NDEL1: variants seen among roughly 807,000 people sequenced by gnomAD.
NDEL1 encodes nudE neurodevelopment protein 1 like 1.
NDEL1 carries 9 observed loss-of-function variants against 45.7 expected under a neutral mutation model. That is an observed-to-expected ratio of 0.20 (90% CI 0.12 to 0.34). NDEL1 has a LOEUF of 0.34. Among genes scored for constraint, NDEL1 ranks in the 10% least tolerant of loss-of-function variants. The pLI is 1.00. For synonymous variants in NDEL1, 133 were observed against 158.6 expected, an observed-to-expected ratio of 0.84 and a Z score of 1.21; for missense variants, 306 against 406.2, an observed-to-expected ratio of 0.75 and a Z score of 2.12.
intron 8 of NDEL1, chr17:8,463,297 T>TTA (rs748025381): frequency 6.3e-7 from 1 of 1,598,766 alleles, no homozygotes; most frequent in Non-Finnish European, 8.6e-7. Flanking sequence ...TACTGTTTAA[T>TTA]ATGTTCTCCT....
chr17:8,461,166 C>A (rs1482976458), intron 8 of NDEL1: 1 of 152,128 alleles, frequency 6.6e-6, no homozygotes, highest in African/African-American at 2.4e-5. Flanking sequence ...GAAACGCTCA[C>A]AATCTCTGAA....
At chr17:8,439,270 C>T (rs1909576296) in intron 1 of NDEL1, among the ~76,000 whole-genome samples, 1 of 146,434 alleles carries the variant, frequency 6.8e-6, no homozygotes, top group Non-Finnish European at 1.5e-5. Flanking sequence ...GAGATGGAAT[C>T]TCACCCTTTT....
intron 1 of NDEL1, among the ~76,000 whole-genome samples, chr17:8,427,402 CAA>C (rs1165484566): frequency 1.3e-5 from 2 of 152,058 alleles, no homozygotes; most frequent in African/African-American, 4.8e-5. Context: ...GGTTACCATT[CAA>C]AGTCTTGGAA....
At chr17:8,414,678 G>A (rs998238445) in intron 1 of NDEL1, among the ~76,000 whole-genome samples, 15 of 151,726 alleles carry the variant, frequency 9.9e-5, no homozygotes, top group African/African-American at 3.4e-4. Flanking sequence ...AAAAAAAAAA[G>A]TGTCATACCA....
At chr17:8,470,356 G>GGTGGGGCTGATCTCCCGGC (rs1911806105), downstream of NDEL1, among the ~76,000 whole-genome samples, 4 of 152,082 alleles carry the variant, frequency 2.6e-5, no homozygotes, top group African/African-American at 4.8e-5. The surrounding 1 kb of genome is among the most constrained non-coding windows in gnomAD (Gnocchi z 4.2). Context: ...GATCTCCCGG[G>GGTGGGGCTGATCTCCCGGC]TGGTGGACAG....
chr17:8,472,138 C>T (rs143545614), downstream of NDEL1, among the ~76,000 whole-genome samples: 1 of 152,254 alleles, frequency 6.6e-6, no homozygotes, highest in East Asian at 1.9e-4. Flanking sequence ...TTGATGTGGA[C>T]ATGTCTGTCC....
At chr17:8,430,883 T>G (rs1908983286), upstream of NDEL1, among the ~76,000 whole-genome samples, 1 of 152,192 alleles carries the variant, frequency 6.6e-6, no homozygotes, top group African/African-American at 2.4e-5. Flanking sequence ...TTAATTGCCA[T>G]GCCCAGCCCC....
chr17:8,454,766 T>A lies in NDEL1; in HGVS notation c.701-30T>A, dbSNP rs780073671. The A allele has an allele frequency of 6.4e-6, 10 of 1,553,922 alleles. No homozygotes were observed. In the Admixed American group the frequency reaches 1.8e-4, roughly 27 times the overall value. On this transcript the variant is annotated intron_variant, in intron 6 of 8. Transcript: ENST00000334527. ...ACCCAAATGTAAAGGGAACTGCAAG[T>A]GTAATCACTCAGCTTTTATTTTTCT... is the stretch of plus-strand genomic sequence containing the variant.
chr17:8,472,148 C>T (rs1446735459), downstream of NDEL1, among the ~76,000 whole-genome samples: 1 of 152,134 alleles, frequency 6.6e-6, no homozygotes, highest in Non-Finnish European at 1.5e-5. Context: ...CATGTCTGTC[C>T]CTCAGCAGCA....
At chr17:8,452,782 C>G (rs1176216431) in intron 6 of NDEL1, among the ~76,000 whole-genome samples, 2 of 114,698 alleles carry the variant, frequency 1.7e-5, no homozygotes, top group African/African-American at 6.6e-5. Context: ...TTTTTTTGCC[C>G]AGGCTAGAGT....
rs577593879 is a variant in NDEL1 at position 8,454,982 on chromosome 17, C to G, written c.792+95C>G. 26 of 1,209,682 alleles carry G rather than the reference C, an allele frequency of 2.1e-5. No homozygotes were observed. The South Asian group carries it at 3.3e-4, about 15-fold the overall frequency. 74.9% of individuals were successfully genotyped at this position (1,209,682 alleles called of 1,614,324 possible). ...GAGGGAAGAAAGAAAGGATACTTTC[C>G]TGTGGTAAAGGCTGTCATGAAGCTC... On this transcript the variant is annotated intron_variant, in intron 7 of 8. Coordinates refer to ENST00000334527, the MANE Select transcript of NDEL1 (RefSeq NM_030808.5).
chr17:8,444,603 T>TA, intron 2 of NDEL1: 1 of 396,622 alleles, frequency 2.5e-6, no homozygotes. Flanking sequence ...TTCTGATTGT[T>TA]ACCTGTTCTA....
intron 1 of NDEL1, chr17:8,436,434 C>T (rs968798151): frequency 6.5e-6 from 1 of 153,736 alleles, no homozygotes; most frequent in South Asian, 1.9e-4. Flanking sequence ...CCTCCTACCC[C>T]CTCTTCGAAA....
upstream of NDEL1, chr17:8,432,315 A>ATT (rs1437222149): frequency 1.5e-3 from 188 of 125,154 alleles, 2 homozygotes; most frequent in African/African-American, 3.9e-3. Context: ...ATATATATAT[A>ATT]TATTTATATA....
At chr17:8,473,636 C>T (rs35261231) in intron 3 of NDEL1, among the ~76,000 whole-genome samples, 61,109 of 152,036 alleles carry the variant, frequency 0.4, 12,313 homozygotes, top group South Asian at 0.45. Context: ...GAAGAGGGCA[C>T]TTCGGCCCAT....
chr17:8,442,865 C>T (rs1431245490), intron 1 of NDEL1, among the ~76,000 whole-genome samples: 1 of 146,834 alleles, frequency 6.8e-6, no homozygotes, highest in African/African-American at 2.5e-5. Flanking sequence ...TCTTGGCTCA[C>T]TGCAAGCTCC....
chr17:8,445,541 C>A (rs1910028240), intron 2 of NDEL1, among the ~76,000 whole-genome samples, 170 bp from the exon 3 acceptor site: 1 of 152,158 alleles, frequency 6.6e-6, no homozygotes, highest in Admixed American at 6.6e-5. Context: ...TTGTCGTTTT[C>A]ATTGAACCCT....
intron 6 of NDEL1, among the ~76,000 whole-genome samples, chr17:8,454,372 C>T (rs988725042): frequency 6.7e-6 from 1 of 149,634 alleles, no homozygotes; most frequent in African/African-American, 2.5e-5. Flanking sequence ...ACGTGACTAT[C>T]AAATTGTCAA....
At position 8,467,342 on chromosome 17, in the gene NDEL1, A is replaced by G. The variant is rs1911667375; in HGVS notation, c.*319A>G. On this transcript the variant is annotated 3_prime_UTR_variant, in exon 9 of 9. Transcript: ENST00000334527. This position sits in a 1 kb window ranked among gnomAD's most constrained non-coding sequence, Gnocchi z 6.3. The stretch of plus-strand genomic sequence containing the variant: ...AGTACCCATTCATCACACCTGCCCC[A>G]TAGCCCCCACTCTGCTGTACTGATA... 1.9e-6 allele frequency: 1 copy of G among 538,844 alleles called. No homozygotes were observed. Among genetic ancestry groups the G allele is most frequent in the East Asian group, 3.1e-5 (1 of 32,028 alleles). The allele number at this position is 538,844 out of a possible 1,614,324, so 33.4% of individuals were successfully genotyped here.
Sources: gnomAD v4.1 joint callset for allele counts (sites outside exome capture counted in the v4.1 genomes callset) on GRCh38, gnomAD v4.1.1 for gene constraint, Gnocchi (gnomAD v3.1) non-coding constraint, MANE v1.5 for transcripts, NCBI Gene and HGNC (gene_info 2026-07-23, HGNC 2026-07-21) for gene names.